Variants in RASSF3 observed in about 807,000 individuals in gnomAD.
RASSF3 encodes Ras association domain family member 3.
RASSF3 carries 19 observed loss-of-function variants against 19.9 expected under a neutral mutation model. The ratio of observed to expected loss-of-function variants is 0.96; its 90% CI spans 0.67 to 1.40. RASSF3 has a LOEUF of 1.40. Among genes scored for constraint, RASSF3 ranks in the 40% most tolerant of loss-of-function variants. The pLI, the probability that RASSF3 is intolerant of heterozygous loss-of-function variation, is 0.00. For synonymous variants in RASSF3, 110 were observed against 104.2 expected, an observed-to-expected ratio of 1.06 and a Z score of -0.34; for missense variants, 306 against 289.8, an observed-to-expected ratio of 1.06 and a Z score of -0.41.
rs114993860 is a variant in RASSF3, at chr12:64,610,859, A to T, written c.111+116A>T. 3,390 of 554,462 alleles carry T rather than the reference A, an allele frequency of 6.1e-3. 95 individuals carry two copies. The African/African-American group carries it at 0.061, about 10-fold the overall frequency. The allele number at this position is 554,462 out of a possible 1,614,324, so 34.3% of individuals were successfully genotyped here. On this transcript the variant is annotated intron_variant, in intron 1 of 4. Coordinates refer to ENST00000542104, the MANE Select transcript of RASSF3 (RefSeq NM_178169.4). ...GGGCGCTCGGGGGATGCTCGCCGGG[A>T]AGGAGGAGCGGGCCGAGAAGTGGCT...
chr12:64,692,863 C>T (rs1868304839), intron 4 of RASSF3, among the ~76,000 whole-genome samples: 1 of 152,068 alleles, frequency 6.6e-6, no homozygotes, highest in Admixed American at 6.6e-5. Context: ...AGGCATGAGC[C>T]ACTGCACCTG....
chr12:64,676,658 A>G (rs889824836), intron 1 of RASSF3, among the ~76,000 whole-genome samples: 5 of 151,628 alleles, frequency 3.3e-5, no homozygotes, highest in African/African-American at 1.2e-4. Context: ...TTCAATAGAG[A>G]TGGGGTTTCA....
At chr12:64,657,275 G>T (rs984597921) in intron 1 of RASSF3, among the ~76,000 whole-genome samples, 8 of 152,128 alleles carry the variant, frequency 5.3e-5, no homozygotes, top group Admixed American at 4.6e-4. Flanking sequence ...AAAGTGCTGG[G>T]ATTACAGGGG....
chr12:64,563,157 A>ATTTATT (rs1320584583), intron 2 of RASSF3, among the ~76,000 whole-genome samples: 1 of 149,316 alleles, frequency 6.7e-6, no homozygotes, highest in African/African-American at 2.5e-5. Context: ...TCTGTCTTTT[A>ATTTATT]TTTATTTTTA....
chr12:64,569,164 C>G (rs1869478760), intron 2 of RASSF3, among the ~76,000 whole-genome samples: 1 of 152,184 alleles, frequency 6.6e-6, no homozygotes, highest in African/African-American at 2.4e-5. Flanking sequence ...GCTCAGTGAC[C>G]CAGACATACA....
rs867826865 is a variant in RASSF3 at position 64,636,591 on chromosome 12, C to T, written c.111+25848C>T. 2.7e-4 allele frequency among the ~76,000 whole-genome samples: 41 copies of T among 151,858 alleles called. 1 individual carries two copies. The highest frequency in any genetic ancestry group is 3.4e-3 in the Middle Eastern group (1 of 294). ...AGTTCCAAAAATTAAAGTAGCCGGGCGCGGTGGCTCACGCCTGTAATCCCA... is the reference window on the plus strand; with the variant it reads ...AGTTCCAAAAATTAAAGTAGCCGGGTGCGGTGGCTCACGCCTGTAATCCCA... On this transcript the variant is annotated intron_variant, in intron 1 of 4. Coordinates refer to ENST00000542104, the MANE Select transcript of RASSF3 (RefSeq NM_178169.4).
chr12:64,608,143 CTCCTGAGT>C (rs1448297374), upstream of RASSF3, among the ~76,000 whole-genome samples: 4 of 152,008 alleles, frequency 2.6e-5, no homozygotes, highest in Non-Finnish European at 4.4e-5. Context: ...TGGATAGGAA[CTCCTGAGT>C]TCAAGTGATC....
At chr12:64,596,052 G>A (rs748390577) in intron 2 of RASSF3, among the ~76,000 whole-genome samples, 6 of 152,234 alleles carry the variant, frequency 3.9e-5, no homozygotes, top group Non-Finnish European at 5.9e-5. Context: ...AAACCCAGAA[G>A]GAAGGAATGC....
intron 1 of RASSF3, among the ~76,000 whole-genome samples, chr12:64,621,848 A>G (rs1224236276): frequency 6.6e-6 from 1 of 152,202 alleles, no homozygotes; most frequent in East Asian, 1.9e-4. Context: ...TTACTCCTGT[A>G]GTTACAACAT....
downstream of RASSF3, chr12:64,541,797 C>T (rs930677674): frequency 1.3e-5 from 5 of 396,214 alleles, no homozygotes; most frequent in Admixed American, 4.4e-5. Context: ...CCATGGCTTA[C>T]GTATGTATCT....
chr12:64,572,516 G>C (rs1022615529), intron 2 of RASSF3, among the ~76,000 whole-genome samples: 2 of 152,066 alleles, frequency 1.3e-5, no homozygotes, highest in African/African-American at 4.8e-5. Context: ...ATCAGTGTAT[G>C]GTATTTTGTT....
At chr12:64,526,541 GT>G (rs67556126) in intron 1 of RASSF3, among the ~76,000 whole-genome samples, 50,426 of 150,506 alleles carry the variant, frequency 0.34, 9,882 homozygotes, top group South Asian at 0.5. Context: ...AAAATGAGTT[GT>G]TTTTTTTTTA....
intron 1 of RASSF3, among the ~76,000 whole-genome samples, chr12:64,649,874 T>C (rs1871876993): frequency 6.6e-6 from 1 of 152,196 alleles, no homozygotes; most frequent in South Asian, 2.1e-4. Context: ...ACCCTATACA[T>C]GATATTCTTT....
At chr12:64,628,463 A>T (rs1420831760) in intron 1 of RASSF3, 1 of 152,046 alleles carries the variant, frequency 6.6e-6, no homozygotes, top group East Asian at 1.9e-4. Context: ...GCTTTTTGGG[A>T]TTGAAGGAGT....
intron 1 of RASSF3, among the ~76,000 whole-genome samples, chr12:64,611,129 C>T (rs1334417382): frequency 2.0e-5 from 3 of 152,048 alleles, no homozygotes; most frequent in Non-Finnish European, 4.4e-5. Flanking sequence ...GCCTGTCCTT[C>T]CTGTTAGTCA....
chr12:64,640,887 C>T (rs527375698), intron 1 of RASSF3, among the ~76,000 whole-genome samples: 1 of 152,150 alleles, frequency 6.6e-6, no homozygotes, highest in South Asian at 2.1e-4. Flanking sequence ...AGCAGTCCTC[C>T]CTCCTCGACC....
intron 1 of RASSF3, among the ~76,000 whole-genome samples, chr12:64,625,901 C>T (rs1005728519): frequency 1.3e-5 from 2 of 152,090 alleles, no homozygotes; most frequent in Non-Finnish European, 2.9e-5. Context: ...CTTCAGAGTT[C>T]GTTTGTACTC....
intron 1 of RASSF3, among the ~76,000 whole-genome samples, chr12:64,679,690 A>G (rs1307988862): frequency 1.3e-5 from 2 of 152,212 alleles, no homozygotes; most frequent in African/African-American, 4.8e-5. Context: ...GCCTGAGAGC[A>G]GCTCTCCAGG....
At chr12:64,559,382 T>A (rs1479879094) in intron 2 of RASSF3, among the ~76,000 whole-genome samples, 10 of 151,390 alleles carry the variant, frequency 6.6e-5, no homozygotes, top group African/African-American at 2.4e-4. Context: ...TAGCTGGGAC[T>A]ACAGGCGCCT....
Sources: gnomAD v4.1 joint callset for allele counts (sites outside exome capture counted in the v4.1 genomes callset) on GRCh38, gnomAD v4.1.1 for gene constraint, MANE v1.5 for transcripts, NCBI Gene and HGNC (gene_info 2026-07-23, HGNC 2026-07-21) for gene names.